NCOA2: variants seen among roughly 807,000 people sequenced by gnomAD.
The protein encoded by NCOA2 is class E basic helix-loop-helix protein 75.
NCOA2 carries 21 observed loss-of-function variants against 145.1 expected under a neutral mutation model. The ratio of observed to expected loss-of-function variants is 0.14; its 90% confidence interval spans 0.10 to 0.21. The LOEUF is 0.21. Among genes scored for constraint, NCOA2 ranks in the 10% least tolerant of loss-of-function variants. The pLI, the probability that NCOA2 is intolerant of heterozygous loss-of-function variation, is 1.00. For missense variants in NCOA2, 1,472 were observed against 1,837.6 expected, an observed-to-expected ratio of 0.80 and a Z score of 3.64; for synonymous variants, 619 against 637.5, an observed-to-expected ratio of 0.97 and a Z score of 0.44.
At position 70,205,711 on chromosome 8, in the gene NCOA2, G is replaced by A. The variant is rs562809711; in HGVS notation, c.259+8192C>T. On this transcript the variant is annotated intron_variant, in intron 4 of 22. Transcript: ENST00000452400. The stretch of plus-strand genomic sequence containing the variant: ...GGGGAAGAGATGCAAGTGCAAAGGA[G>A]GTTGTCGGTTGGAGCAAGGGAGAAT... 1.2e-4 allele frequency among the ~76,000 whole-genome samples: 19 copies of A among 152,228 alleles called. No individual in the cohort carries two copies. In the East Asian group the frequency reaches 3.5e-3, roughly 28 times the overall value.
chr8:70,345,405 C>T (rs1190128639), intron 1 of NCOA2, among the ~76,000 whole-genome samples: 1 of 152,162 alleles, frequency 6.6e-6, no homozygotes, highest in Non-Finnish European at 1.5e-5. Flanking sequence ...ACAACTGACC[C>T]AATATGTACT....
chr8:70,428,756 G>A, the NCOA2 span, among the ~76,000 whole-genome samples: 2 of 152,154 alleles, frequency 1.3e-5, no homozygotes, highest in Non-Finnish European at 2.9e-5. Flanking sequence ...TAGCTTAGCA[G>A]TGTGCCCAAA....
intron 2 of NCOA2, among the ~76,000 whole-genome samples, chr8:70,278,947 C>T (rs1825674479): frequency 6.7e-6 from 1 of 148,816 alleles, no homozygotes; most frequent in Non-Finnish European, 1.5e-5. Context: ...GCCTGGGCAA[C>T]AGAGCAAGAC....
At chr8:70,410,232 A>G in the NCOA2 span, among the ~76,000 whole-genome samples, 1 of 152,096 alleles carries the variant, frequency 6.6e-6, no homozygotes, top group South Asian at 2.1e-4. Flanking sequence ...AAAACTGACA[A>G]TATCAAATAC....
chr8:70,340,218 T>C (rs1448735044), intron 1 of NCOA2, among the ~76,000 whole-genome samples: 2 of 152,142 alleles, frequency 1.3e-5, no homozygotes, highest in Non-Finnish European at 2.9e-5. Context: ...ATCCAGAGTC[T>C]ACATGGAACT....
chr8:70,223,275 C>A (rs1820323110), intron 2 of NCOA2, among the ~76,000 whole-genome samples: 1 of 152,158 alleles, frequency 6.6e-6, no homozygotes, highest in Admixed American at 6.5e-5. Flanking sequence ...CATTCTGAAA[C>A]CCATTTTAAA....
At chr8:70,405,753 A>C (rs1458067148), upstream of NCOA2, among the ~76,000 whole-genome samples, 2 of 152,186 alleles carry the variant, frequency 1.3e-5, no homozygotes, top group Non-Finnish European at 2.9e-5. Context: ...TCCAGAGTCT[A>C]TCAGTCCTCT....
chr8:70,320,993 C>T (rs1184939683), intron 1 of NCOA2, among the ~76,000 whole-genome samples: 4 of 152,146 alleles, frequency 2.6e-5, no homozygotes, highest in Admixed American at 1.3e-4. Context: ...ACTACTATTT[C>T]GCAGTGACCT....
At chr8:70,435,477 A>G in the NCOA2 span, among the ~76,000 whole-genome samples, 1 of 146,690 alleles carries the variant, frequency 6.8e-6, no homozygotes, top group Non-Finnish European at 1.5e-5. Flanking sequence ...GGAGAGTCAC[A>G]CTGCCCCAAC....
At chr8:70,288,809 G>A (rs891527300) in intron 2 of NCOA2, among the ~76,000 whole-genome samples, 8 of 152,126 alleles carry the variant, frequency 5.3e-5, no homozygotes, top group Admixed American at 2.0e-4. Context: ...ATATGTCAGC[G>A]CACAAGTGCA....
chr8:70,321,793 C>CTTTTTTTT lies in NCOA2; in HGVS notation c.-76-25001_-76-24994dup, dbSNP rs559680322. On this transcript the variant is annotated intron_variant, in intron 1 of 22. Transcript: ENST00000452400. The stretch of plus-strand genomic sequence containing the variant: ...TGCTTTCCTAAGTTTCAGAATATAC[C>CTTTTTTTT]TTTTTTTTTTTTTTTTTTTTTTTTT... Among the ~76,000 whole-genome samples the CTTTTTTTT allele has an allele frequency of 4.5e-3, 330 of 73,562 alleles. 60 individuals carry two copies. Among genetic ancestry groups the CTTTTTTTT allele is most frequent in the African/African-American group, 0.018 (283 of 15,900 alleles). The allele number at this position is 73,562 out of a possible 152,430, so 48.3% of individuals were successfully genotyped here.
intron 1 of NCOA2, among the ~76,000 whole-genome samples, chr8:70,380,267 A>G (rs543253007): frequency 6.6e-6 from 1 of 152,288 alleles, no homozygotes; most frequent in East Asian, 1.9e-4. Context: ...TTACCTATGC[A>G]CTTCATAATA....
At chr8:70,401,005 G>T (rs1814179539) in intron 1 of NCOA2, among the ~76,000 whole-genome samples, 1 of 152,216 alleles carries the variant, frequency 6.6e-6, no homozygotes, top group Middle Eastern at 3.4e-3. Flanking sequence ...CATTCTTTGA[G>T]CTCCCAAAGA....
chr8:70,116,926 T>C (rs1019229385), intron 22 of NCOA2, among the ~76,000 whole-genome samples: 39 of 152,190 alleles, frequency 2.6e-4, no homozygotes, highest in African/African-American at 8.9e-4. Flanking sequence ...TGTTCACAGG[T>C]GTAGTCATAG....
intron 2 of NCOA2, among the ~76,000 whole-genome samples, chr8:70,293,719 A>G (rs960525119): frequency 6.6e-6 from 1 of 152,234 alleles, no homozygotes; most frequent in African/African-American, 2.4e-5. Context: ...ATTGCCAAAT[A>G]GATTTATATA....
intron 4 of NCOA2, among the ~76,000 whole-genome samples, chr8:70,209,375 T>C (rs956932415): frequency 1.3e-5 from 2 of 152,196 alleles, no homozygotes; most frequent in African/African-American, 4.8e-5. Context: ...CAACAAAGGA[T>C]TTAGAATATT....
intron 2 of NCOA2, among the ~76,000 whole-genome samples, chr8:70,275,295 G>A (rs998577792): frequency 6.6e-6 from 1 of 152,234 alleles, no homozygotes; most frequent in Middle Eastern, 3.4e-3. Flanking sequence ...TAGGTATAAT[G>A]AGAAATCATC....
At chr8:70,159,242 A>ATATATATTT in intron 10 of NCOA2, among the ~76,000 whole-genome samples, 3,265 of 61,032 alleles carry the variant, frequency 0.053, 221 homozygotes, top group Non-Finnish European at 0.082. Context: ...ATATATATAT[A>ATATATATTT]TTTTTTTTTT....
intron 13 of NCOA2, among the ~76,000 whole-genome samples, chr8:70,142,296 A>G (rs550381321): frequency 1.2e-4 from 18 of 152,326 alleles, no homozygotes; most frequent in African/African-American, 4.3e-4. Context: ...ACGATAAACA[A>G]CTAAAAATGG....
Sources: gnomAD v4.1 joint callset for allele counts (sites outside exome capture counted in the v4.1 genomes callset) on GRCh38, gnomAD v4.1.1 for gene constraint, MANE v1.5 for transcripts, NCBI Gene and HGNC (gene_info 2026-07-23, HGNC 2026-07-21) for gene names.